Variants in PRDM2 observed in about 807,000 individuals in gnomAD.
PRDM2 encodes the protein PR domain zinc finger protein 2.
Under a neutral mutation model 130.0 loss-of-function variants are expected in PRDM2, and 30 were observed. The observed-to-expected ratio is 0.23, with a 90% CI of 0.17 to 0.31. The LOEUF (loss-of-function observed/expected upper bound fraction) is 0.31. Among genes scored for constraint, PRDM2 ranks in the 10% least tolerant of loss-of-function variants. PRDM2 has a pLI of 1.00. For synonymous variants in PRDM2, 871 were observed against 782.4 expected, an observed-to-expected ratio of 1.11 and a Z score of -1.89; for missense variants, 2,011 against 2,108.4, an observed-to-expected ratio of 0.95 and a Z score of 0.90.
At chr1:13,766,071 TGCAG>T (rs1285845863) in intron 6 of PRDM2, among the ~76,000 whole-genome samples, 3 of 152,194 alleles carry the variant, frequency 2.0e-5, no homozygotes, top group African/African-American at 4.8e-5. Flanking sequence ...TTACCTGAAG[TGCAG>T]GTGACGGAGA....
intron 4 of PRDM2, among the ~76,000 whole-genome samples, chr1:13,733,282 A>G (rs1204844745): frequency 6.6e-6 from 1 of 151,808 alleles, no homozygotes; most frequent in Non-Finnish European, 1.5e-5. Context: ...AGTAATTTCT[A>G]TGTTGCTAGG....
At chr1:13,785,601 AAC>A (rs1180801022) in intron 8 of PRDM2, among the ~76,000 whole-genome samples, 2 of 151,454 alleles carry the variant, frequency 1.3e-5, no homozygotes, top group Non-Finnish European at 2.9e-5. Context: ...CTTAGGAGAA[AAC>A]ACAGGAAAGC....
At chr1:13,817,405 C>T (rs1263099519) in intron 9 of PRDM2, among the ~76,000 whole-genome samples, 3 of 152,154 alleles carry the variant, frequency 2.0e-5, no homozygotes, top group African/African-American at 4.8e-5. Context: ...CCTGGAATTA[C>T]TCTAAGATTT....
rs926679756 is a variant in PRDM2 at position 13,787,914 on chromosome 1, A to G, written c.5036+5083A>G. 6 of 985,266 alleles carry G rather than the reference A, an allele frequency of 6.1e-6. No individual in the cohort carries two copies. In the South Asian group the frequency reaches 1.9e-4, roughly 31 times the overall value. 61.0% of individuals were successfully genotyped at this position (985,266 alleles called of 1,614,324 possible). On this transcript the variant is annotated intron_variant, in intron 8 of 9. Coordinates refer to ENST00000311066, the MANE Select transcript of PRDM2 (RefSeq NM_001393986.1). Reference sequence around the variant, plus strand: ...GAGAGAGGTTAATTATAGATAGACAAGAGTGGTGTTTGTTGTTTTTCCCCT... The same window carrying G: ...GAGAGAGGTTAATTATAGATAGACAGGAGTGGTGTTTGTTGTTTTTCCCCT...
chr1:13,741,858 C>T, intron 4 of PRDM2, 147 bp from the exon 5 acceptor site: 1 of 629,062 alleles, frequency 1.6e-6, no homozygotes, highest in South Asian at 2.5e-5. Context: ...TTTTTCTTTT[C>T]TCTGTCGCTT....
intron 7 of PRDM2, among the ~76,000 whole-genome samples, chr1:13,776,107 C>T (rs1317820630): frequency 1.3e-5 from 2 of 152,136 alleles, no homozygotes. Flanking sequence ...GAGATGCTTC[C>T]GTACCACACT....
At chr1:13,723,699 G>A (rs538366759) in intron 2 of PRDM2, among the ~76,000 whole-genome samples, 37 of 152,298 alleles carry the variant, frequency 2.4e-4, no homozygotes, top group African/African-American at 7.9e-4. Flanking sequence ...TTTGTTTTCG[G>A]CTGTTCTCTC....
At chr1:13,758,764 T>C (rs1432689310) in intron 6 of PRDM2, among the ~76,000 whole-genome samples, 5 of 152,200 alleles carry the variant, frequency 3.3e-5, no homozygotes, top group African/African-American at 1.2e-4. Flanking sequence ...AATTTAAAAA[T>C]ATTTTGATGA....
At chr1:13,773,277 A>G in intron 7 of PRDM2, 89 bp downstream of exon 7, 1 of 761,024 alleles carries the variant, frequency 1.3e-6, no homozygotes, top group South Asian at 3.9e-5. Context: ...TCCTTCTGAG[A>G]ATCATTTAGG....
intron 5 of PRDM2, among the ~76,000 whole-genome samples, chr1:13,745,073 T>C (rs1643562043): frequency 6.6e-6 from 1 of 152,244 alleles, no homozygotes; most frequent in African/African-American, 2.4e-5. Context: ...GGTGAATATC[T>C]ATTGAGAGTC....
intron 6 of PRDM2, among the ~76,000 whole-genome samples, chr1:13,760,654 C>G (rs1644075105): frequency 6.6e-6 from 1 of 152,138 alleles, no homozygotes; most frequent in South Asian, 2.1e-4. Flanking sequence ...GGGTTACTCT[C>G]CATGTTTTGG....
At chr1:13,756,847 A>G (rs1643967638) in intron 6 of PRDM2, among the ~76,000 whole-genome samples, 1 of 152,202 alleles carries the variant, frequency 6.6e-6, no homozygotes, top group Non-Finnish European at 1.5e-5. Flanking sequence ...TAATCCTCCC[A>G]ATAATCCTGC....
At chr1:13,725,691 A>T (rs562493268) in intron 2 of PRDM2, among the ~76,000 whole-genome samples, 17 of 152,382 alleles carry the variant, frequency 1.1e-4, no homozygotes, top group East Asian at 3.9e-4. Flanking sequence ...CACCAGAATG[A>T]TGACATTTTC....
chr1:13,732,901 TC>T lies in PRDM2; in HGVS notation c.231+20del. 1 of 1,411,744 alleles carries T rather than the reference TC, an allele frequency of 7.1e-7. No individual in the cohort carries two copies. The highest frequency in any genetic ancestry group is 9.8e-7 in the Non-Finnish European group (1 of 1,023,108). 87.5% of individuals were successfully genotyped at this position (1,411,744 alleles called of 1,614,324 possible). ...GTGGGAGGTAAGAAGTAATTCTGAT[TC>T]TTTGTTTTTCAGAGTTTTATGAAAT... On this transcript the variant is annotated intron_variant, in intron 4 of 9. Transcript: ENST00000311066.
chr1:13,823,315 G>C lies in PRDM2; in HGVS notation c.*180G>C. ...CGTGTGTGTTCACGTGTTCTCGTGC[G>C]GGCGCGTGAGTGGTCTTCAAACGAG... On this transcript the variant is annotated 3_prime_UTR_variant, in exon 10 of 10. Coordinates refer to ENST00000311066, the MANE Select transcript of PRDM2 (RefSeq NM_001393986.1). The C allele has an allele frequency of 9.1e-7, 1 of 1,104,690 alleles. No homozygotes were observed. The highest frequency in any genetic ancestry group is 1.3e-6 in the Non-Finnish European group (1 of 744,624). The allele number at this position is 1,104,690 out of a possible 1,614,324, so 68.4% of individuals were successfully genotyped here. A position where few individuals can be genotyped will look rare whatever the true frequency, so the allele number is the denominator to read the frequency against.
In PRDM2 at chr1:13,823,321, G is replaced by C; in HGVS notation, c.*186G>C. On this transcript the variant is annotated 3_prime_UTR_variant, in exon 10 of 10. Coordinates refer to ENST00000311066, the MANE Select transcript of PRDM2 (RefSeq NM_001393986.1). ...TGTTCACGTGTTCTCGTGCGGGCGC[G>C]TGAGTGGTCTTCAAACGAGGGTCCC... is the stretch of plus-strand genomic sequence containing the variant. The C allele has an allele frequency of 9.4e-7, 1 of 1,060,592 alleles. No homozygotes were observed. The highest frequency in any genetic ancestry group is 1.4e-6 in the Non-Finnish European group (1 of 706,926). 65.7% of individuals were successfully genotyped at this position (1,060,592 alleles called of 1,614,324 possible).
At chr1:13,747,481 T>C (rs1036649285) in intron 5 of PRDM2, among the ~76,000 whole-genome samples, 1 of 151,998 alleles carries the variant, frequency 6.6e-6, no homozygotes. Flanking sequence ...AAGTAAGTTT[T>C]TTGGTTAGAT....
chr1:13,810,655 C>T lies in PRDM2; in HGVS notation c.5037-5772C>T, dbSNP rs577712274. ...GACTACAGGCGCCCGCCACCACACCCGGCTAATTTTTTGTATTTTTAGTAG... is the reference window on the plus strand; with the variant it reads ...GACTACAGGCGCCCGCCACCACACCTGGCTAATTTTTTGTATTTTTAGTAG... On this transcript the variant is annotated intron_variant, in intron 8 of 9. Transcript: ENST00000311066. 9.3e-4 allele frequency among the ~76,000 whole-genome samples: 142 copies of T among 152,016 alleles called. 2 individuals are homozygous for T. The highest frequency in any genetic ancestry group is 5.9e-4 in the East Asian group (3 of 5,088).
chr1:13,795,850 A>G (rs916024504), intron 8 of PRDM2, among the ~76,000 whole-genome samples: 5 of 152,174 alleles, frequency 3.3e-5, no homozygotes, highest in Non-Finnish European at 7.3e-5. Flanking sequence ...TTTTCACAGA[A>G]GTCTTTCCAA....
Sources: gnomAD v4.1 joint callset for allele counts (sites outside exome capture counted in the v4.1 genomes callset) on GRCh38, gnomAD v4.1.1 for gene constraint, MANE v1.5 for transcripts, NCBI Gene and HGNC (gene_info 2026-07-23, HGNC 2026-07-21) for gene names.